CSMD1: variants seen among roughly 807,000 people sequenced by gnomAD.
The protein encoded by CSMD1 is CUB and sushi domain-containing protein 1.
A neutral mutation model predicts 417.5 loss-of-function variants in CSMD1; 213 were observed. The ratio of observed to expected loss-of-function variants is 0.51; its 90% CI spans 0.46 to 0.57. The LOEUF (loss-of-function observed/expected upper bound fraction) is 0.57, where lower values mean the gene tolerates loss of function less well. Ranked by LOEUF, CSMD1 falls within the 20% of genes least tolerant of loss-of-function variation. CSMD1 has a pLI of 0.00. For missense variants in CSMD1, 6,923 were observed against 4,529.7 expected (o/e 1.53, Z -15.17); for synonymous variants, 2,862 against 1,736.8 (o/e 1.65, Z -16.11).
chr8:4,569,979 C>A (rs1019162130), intron 2 of CSMD1, among the ~76,000 whole-genome samples: 2 of 152,302 alleles, frequency 1.3e-5, no homozygotes, highest in Middle Eastern at 3.4e-3. Flanking sequence ...GATTTTTGCA[C>A]ATTGATTTTG....
At chr8:3,506,489 C>T (rs1796833687) in intron 10 of CSMD1, among the ~76,000 whole-genome samples, 1 of 152,178 alleles carries the variant, frequency 6.6e-6, no homozygotes, top group South Asian at 2.1e-4. Flanking sequence ...AAGTTACTTC[C>T]AGTCACTCTT....
intron 26 of CSMD1, among the ~76,000 whole-genome samples, chr8:3,277,367 G>A (rs531018258): frequency 3.9e-5 from 6 of 152,254 alleles, no homozygotes; most frequent in South Asian, 2.1e-4. Flanking sequence ...CAGAAAGTAC[G>A]CAGGTGCATG....
intron 2 of CSMD1, among the ~76,000 whole-genome samples, chr8:4,500,819 G>A (rs551349043): frequency 6.6e-6 from 1 of 152,248 alleles, no homozygotes; most frequent in Non-Finnish European, 1.5e-5. Flanking sequence ...CGGAAAACAT[G>A]GGTAGAGGTC....
intron 2 of CSMD1, among the ~76,000 whole-genome samples, chr8:4,457,220 A>T (rs1038945638): frequency 6.6e-6 from 1 of 152,026 alleles, no homozygotes; most frequent in Non-Finnish European, 1.5e-5. Flanking sequence ...GAAGGGGGGA[A>T]CTCATCTTTC....
At chr8:3,175,234 C>G (rs1820833561) in intron 37 of CSMD1, among the ~76,000 whole-genome samples, 1 of 152,126 alleles carries the variant, frequency 6.6e-6, no homozygotes, top group Non-Finnish European at 1.5e-5. Flanking sequence ...CATTTTACTC[C>G]CACCTGGTAA....
chr8:4,595,893 A>C (rs201292749), intron 2 of CSMD1, among the ~76,000 whole-genome samples: 2 of 152,080 alleles, frequency 1.3e-5, no homozygotes, highest in East Asian at 3.9e-4. Flanking sequence ...ATGATCTTGC[A>C]TGCAGCCATC....
At chr8:3,975,538 T>G (rs1381336331) in intron 5 of CSMD1, among the ~76,000 whole-genome samples, 1 of 152,152 alleles carries the variant, frequency 6.6e-6, no homozygotes, top group East Asian at 1.9e-4. Context: ...TGCCATGGCT[T>G]CTCCCACTGT....
chr8:3,595,122 A>G (rs1473901545), intron 8 of CSMD1, among the ~76,000 whole-genome samples: 3 of 152,200 alleles, frequency 2.0e-5, no homozygotes, highest in Non-Finnish European at 4.4e-5. Flanking sequence ...GAGTTTTTAC[A>G]CTACTCAGAT....
intron 7 of CSMD1, among the ~76,000 whole-genome samples, chr8:3,665,573 C>G (rs1798646558): frequency 6.6e-6 from 1 of 152,084 alleles, no homozygotes; most frequent in Admixed American, 6.6e-5. Flanking sequence ...ATCTTGATTC[C>G]TTACTATCCC....
chr8:3,096,557 G>C (rs928336492), intron 47 of CSMD1, among the ~76,000 whole-genome samples: 4 of 152,096 alleles, frequency 2.6e-5, no homozygotes, highest in Non-Finnish European at 5.9e-5. Flanking sequence ...GGTCTCCCCA[G>C]CCATCTGGAA....
Position 3,284,133 on chromosome 8 carries a change from G to A in CSMD1, c.4153+11C>T. 2 of 1,552,096 alleles carry A rather than the reference G, an allele frequency of 1.3e-6. No individual in the cohort carries two copies. The highest frequency in any genetic ancestry group is 2.4e-5 in the East Asian group (1 of 41,116). ...TATCAAGGTAAAGAAGAAGCACGCT[G>A]TGCCACCTACTGGAGAACTGGATGG... On this transcript the variant is annotated intron_variant, in intron 26 of 69. Coordinates refer to ENST00000635120, the MANE Select transcript of CSMD1 (RefSeq NM_033225.6).
At position 4,718,743 on chromosome 8, in the gene CSMD1, A is replaced by C. The variant is rs575949816; in HGVS notation, c.86-81185T>G. On this transcript the variant is annotated intron_variant, in intron 1 of 69. Transcript: ENST00000635120. ...AGACTAGTTTTTCTATTAAAAAACAACCAATTTTATAAAAGAAAATACTCT... is the reference window on the plus strand; with the variant it reads ...AGACTAGTTTTTCTATTAAAAAACACCCAATTTTATAAAAGAAAATACTCT... Among the ~76,000 whole-genome samples the C allele has an allele frequency of 7.2e-4, 109 of 152,218 alleles. 1 individual carries two copies. The highest frequency in any genetic ancestry group is 6.9e-3 in the Middle Eastern group (2 of 288).
At chr8:3,468,678 A>ACTT (rs1816919567) in intron 12 of CSMD1, 34 bp downstream of exon 12, 4 of 1,401,834 alleles carry the variant, frequency 2.9e-6, no homozygotes, top group Non-Finnish European at 4.0e-6. Flanking sequence ...TGGAATGCTA[A>ACTT]CTTCCAACCC....
At chr8:4,829,729 C>A (rs1335514427) in intron 1 of CSMD1, among the ~76,000 whole-genome samples, 1 of 122,016 alleles carries the variant, frequency 8.2e-6, no homozygotes, top group East Asian at 2.3e-4. Flanking sequence ...CAGAGTGAGA[C>A]CCTGTCTCAA....
chr8:4,498,008 G>A (rs867647571), intron 2 of CSMD1, among the ~76,000 whole-genome samples: 3 of 152,150 alleles, frequency 2.0e-5, no homozygotes, highest in South Asian at 2.1e-4. Flanking sequence ...TACAGTAAAC[G>A]TCCCGCAGCC....
chr8:3,889,944 T>A (rs1806843090), intron 5 of CSMD1, among the ~76,000 whole-genome samples: 1 of 152,134 alleles, frequency 6.6e-6, no homozygotes. Context: ...GACGGTTGGA[T>A]GGCTGAGGTG....
At chr8:4,642,713 G>A (rs1248673061) in intron 1 of CSMD1, among the ~76,000 whole-genome samples, 4 of 152,208 alleles carry the variant, frequency 2.6e-5, no homozygotes, top group African/African-American at 9.6e-5. Flanking sequence ...CTTTGAAGTG[G>A]GGTGTGTAGC....
At position 3,293,462 on chromosome 8, in the gene CSMD1, C is replaced by T. The variant is rs143409546; in HGVS notation, c.3951-9116G>A. Among the ~76,000 whole-genome samples, 18 of 152,318 alleles carry T rather than the reference C, an allele frequency of 1.2e-4. No homozygotes were observed. The South Asian group carries it at 3.5e-3, about 30-fold the overall frequency. On this transcript the variant is annotated intron_variant, in intron 25 of 69. Coordinates refer to ENST00000635120, the MANE Select transcript of CSMD1 (RefSeq NM_033225.6). ...ATTCTCCCTGTCACTTTTAGGTACA[C>T]CAATCAGACGTAGATTCGGTCTTTT...
chr8:3,656,872 C>G (rs1469998950), intron 7 of CSMD1, among the ~76,000 whole-genome samples: 2 of 151,750 alleles, frequency 1.3e-5, no homozygotes, highest in East Asian at 1.9e-4. Context: ...TGGCAGTGAG[C>G]CAAGATCACA....
Sources: gnomAD v4.1 joint callset for allele counts (sites outside exome capture counted in the v4.1 genomes callset) on GRCh38, gnomAD v4.1.1 for gene constraint, MANE v1.5 for transcripts, NCBI Gene and HGNC (gene_info 2026-07-23, HGNC 2026-07-21) for gene names.